ATRNL1: variants seen among roughly 807,000 people sequenced by gnomAD.
ATRNL1 encodes attractin like 1.
ATRNL1 carries 95 observed loss-of-function variants against 182.7 expected under a neutral mutation model. That is an observed-to-expected ratio of 0.52 (90% confidence interval 0.44 to 0.62). The LOEUF (loss-of-function observed/expected upper bound fraction) is 0.62, where lower values mean the gene tolerates loss of function less well. Ranked by LOEUF, ATRNL1 falls within the 20% of genes least tolerant of loss-of-function variation. The pLI is 0.00. For synonymous variants in ATRNL1, 576 were observed against 568.3 expected, an observed-to-expected ratio of 1.01 and a Z score of -0.19; for missense variants, 1,471 against 1,679.5, an observed-to-expected ratio of 0.88 and a Z score of 2.17.
intron 27 of ATRNL1, among the ~76,000 whole-genome samples, chr10:115,777,456 C>G (rs1182601486): frequency 2.0e-5 from 3 of 152,042 alleles, no homozygotes; most frequent in African/African-American, 4.8e-5. Context: ...AATGTAAAGT[C>G]TTGCTAAGCA....
In ATRNL1 at chr10:115,809,998, G is replaced by A. The variant is rs116545861; in HGVS notation, c.3904-37879G>A. ...TAGTTTGCTGAGAAATTTTTTTTAGGAATGGATATTGACTTTTAACAATAT... is the reference window on the plus strand; with the variant it reads ...TAGTTTGCTGAGAAATTTTTTTTAGAAATGGATATTGACTTTTAACAATAT... On this transcript the variant is annotated intron_variant, in intron 27 of 28. Transcript: ENST00000355044. Among the ~76,000 whole-genome samples, 1,511 of 151,806 alleles carry A rather than the reference G, an allele frequency of 1.0e-2. 30 individuals carry two copies. The highest frequency in any genetic ancestry group is 0.035 in the African/African-American group (1,431 of 41,474).
chr10:115,591,854 A>T (rs972629239), intron 26 of ATRNL1, among the ~76,000 whole-genome samples: 7 of 152,226 alleles, frequency 4.6e-5, no homozygotes, highest in Admixed American at 4.6e-4. Flanking sequence ...TTGTTCTACC[A>T]AAAAGACACG....
intron 26 of ATRNL1, among the ~76,000 whole-genome samples, chr10:115,683,933 T>G (rs571617985): frequency 6.6e-5 from 10 of 151,842 alleles, no homozygotes; most frequent in Non-Finnish European, 1.5e-4. Context: ...CTAAGAAAAT[T>G]TTCATTGACC....
rs1348878275 is a variant in ATRNL1, at chr10:115,122,285, G to GT, written c.491+477dup. Among the ~76,000 whole-genome samples, 75 of 151,866 alleles carry GT rather than the reference G, an allele frequency of 4.9e-4. 1 individual carries two copies. Among genetic ancestry groups the GT allele is most frequent in the Admixed American group, 2.2e-3 (33 of 15,262 alleles). On this transcript the variant is annotated intron_variant, in intron 3 of 28. Coordinates refer to ENST00000355044, the MANE Select transcript of ATRNL1 (RefSeq NM_207303.4). Reference sequence around the variant, plus strand: ...TTCTACCAATTGTCAAAATGTGAGAGTTTTATTTGTTTCAAAATATTTTAT... The same window carrying GT: ...TTCTACCAATTGTCAAAATGTGAGAGTTTTTATTTGTTTCAAAATATTTTAT...
intron 26 of ATRNL1, among the ~76,000 whole-genome samples, chr10:115,695,393 AT>A (rs1946526032): frequency 6.6e-6 from 1 of 152,210 alleles, no homozygotes; most frequent in Middle Eastern, 3.2e-3. Flanking sequence ...GTATTTATAA[AT>A]AATATTTCAA....
chr10:115,258,729 T>C (rs1332450702), intron 10 of ATRNL1, among the ~76,000 whole-genome samples: 1 of 152,202 alleles, frequency 6.6e-6, no homozygotes, highest in African/African-American at 2.4e-5. Context: ...TTTTCTGCTC[T>C]GGTTTCTCCC....
intron 28 of ATRNL1, among the ~76,000 whole-genome samples, chr10:115,903,687 G>A (rs527937287): frequency 1.1e-3 from 163 of 152,106 alleles, no homozygotes; most frequent in African/African-American, 3.9e-3. Flanking sequence ...GCCTTCATCT[G>A]CTCTCGTCAG....
chr10:115,169,280 C>T (rs370624641), intron 7 of ATRNL1, among the ~76,000 whole-genome samples: 7 of 148,976 alleles, frequency 4.7e-5, no homozygotes, highest in African/African-American at 1.7e-4. Context: ...AATCTTGGCT[C>T]ACTGCAACCT....
At chr10:115,813,548 T>A (rs1555087655) in intron 27 of ATRNL1, among the ~76,000 whole-genome samples, 1 of 152,230 alleles carries the variant, frequency 6.6e-6, no homozygotes, top group Non-Finnish European at 1.5e-5. Flanking sequence ...TGCAGTAAGA[T>A]AGCTGCTGGT....
chr10:115,939,008 C>G (rs1555123530), intron 28 of ATRNL1, among the ~76,000 whole-genome samples: 1 of 152,128 alleles, frequency 6.6e-6, no homozygotes, highest in Non-Finnish European at 1.5e-5. Context: ...AGATTTTTAA[C>G]ATTCTCACCA....
chr10:115,361,537 C>G (rs1163009500), intron 19 of ATRNL1, among the ~76,000 whole-genome samples: 1 of 152,056 alleles, frequency 6.6e-6, no homozygotes, highest in Non-Finnish European at 1.5e-5. Flanking sequence ...TACTCACAGA[C>G]ACATGTATTT....
chr10:115,746,960 A>T (rs1948310121), intron 27 of ATRNL1, among the ~76,000 whole-genome samples: 1 of 152,116 alleles, frequency 6.6e-6, no homozygotes, highest in Non-Finnish European at 1.5e-5. Context: ...CCAAAGATGT[A>T]GGGCCAAATT....
At chr10:115,856,428 C>CAAAAAAATAAAAAAAAAAAAAAAA (rs1951184202) in intron 28 of ATRNL1, among the ~76,000 whole-genome samples, 1 of 22,536 alleles carries the variant, frequency 4.4e-5, no homozygotes, top group Non-Finnish European at 8.2e-5. Context: ...AGCTCCATCT[C>CAAAAAAATAAAAAAAAAAAAAAAA]AAAAAAAAAA....
At chr10:115,871,469 T>TATA (rs1951579875) in intron 28 of ATRNL1, among the ~76,000 whole-genome samples, 1 of 140,294 alleles carries the variant, frequency 7.1e-6, no homozygotes, top group African/African-American at 2.6e-5. Flanking sequence ...GTCAGATTCT[T>TATA]TGTGTGTGTG....
intron 1 of ATRNL1, among the ~76,000 whole-genome samples, chr10:115,102,189 G>A (rs993995350): frequency 2.0e-5 from 3 of 152,050 alleles, no homozygotes; most frequent in African/African-American, 7.2e-5. Context: ...ATGTTATTAG[G>A]TGCATAAAAT....
intron 26 of ATRNL1, among the ~76,000 whole-genome samples, chr10:115,722,924 T>C (rs962123078): frequency 6.6e-6 from 1 of 152,160 alleles, no homozygotes; most frequent in Admixed American, 6.5e-5. Flanking sequence ...AAAGGACATA[T>C]AAGAGTTTTA....
At chr10:115,769,999 T>C (rs967598609) in intron 27 of ATRNL1, among the ~76,000 whole-genome samples, 24 of 152,128 alleles carry the variant, frequency 1.6e-4, no homozygotes, top group Non-Finnish European at 2.5e-4. Flanking sequence ...GGGCCTCTCA[T>C]TTGCACAAGT....
intron 21 of ATRNL1, among the ~76,000 whole-genome samples, chr10:115,460,558 C>A (rs1441586407): frequency 1.3e-5 from 2 of 152,154 alleles, no homozygotes; most frequent in East Asian, 1.9e-4. Context: ...GCCTCCATTA[C>A]CTCCTTGCCT....
intron 24 of ATRNL1, among the ~76,000 whole-genome samples, chr10:115,512,580 T>C (rs1850440487): frequency 6.6e-6 from 1 of 151,784 alleles, no homozygotes; most frequent in African/African-American, 2.4e-5. Context: ...AGTAGTTTTA[T>C]TGAGTGCTTT....
Sources: gnomAD v4.1 joint callset for allele counts (sites outside exome capture counted in the v4.1 genomes callset) on GRCh38, gnomAD v4.1.1 for gene constraint, MANE v1.5 for transcripts, NCBI Gene and HGNC (gene_info 2026-07-23, HGNC 2026-07-21) for gene names.